The following PIBF1 variants were observed in gnomAD, a reference collection of about 807,000 sequenced individuals.
The protein encoded by PIBF1 is progesterone-induced-blocking factor 1.
In PIBF1, 90 loss-of-function variants were observed where a neutral mutation model predicts 112.5. That is an observed-to-expected ratio of 0.80 (90% CI 0.67 to 0.95). PIBF1 has a LOEUF of 0.95. Among genes scored for constraint, PIBF1 ranks in the 40% least tolerant of loss-of-function variants. PIBF1 has a pLI of 0.00. For synonymous variants in PIBF1, 301 were observed against 288.6 expected (o/e 1.04, Z -0.44); for missense variants, 915 against 852.3 (o/e 1.07, Z -0.92).
intron 9 of PIBF1, among the ~76,000 whole-genome samples, chr13:72,850,067 A>G (rs1379562499): frequency 1.3e-5 from 2 of 152,218 alleles, no homozygotes. Context: ...ATATTAAATA[A>G]AGTATCTATT....
At chr13:72,915,822 T>C (rs2041072903) in intron 12 of PIBF1, among the ~76,000 whole-genome samples, 1 of 152,160 alleles carries the variant, frequency 6.6e-6, no homozygotes, top group Non-Finnish European at 1.5e-5. Context: ...TTCTAAAATC[T>C]TTACTACAGA....
chr13:72,869,625 T>TAAA (rs1491580429), intron 10 of PIBF1, among the ~76,000 whole-genome samples: 1 of 118,216 alleles, frequency 8.5e-6, no homozygotes, highest in Admixed American at 1.0e-4. Flanking sequence ...ATAATAATAA[T>TAAA]AAAAAATAAA....
intron 16 of PIBF1, among the ~76,000 whole-genome samples, chr13:72,982,040 G>A (rs1241113751): frequency 1.3e-5 from 2 of 152,190 alleles, no homozygotes; most frequent in Non-Finnish European, 2.9e-5. Context: ...ACTTTGCAAG[G>A]TTCTGTGAGA....
At position 72,796,344 on chromosome 13, in the gene PIBF1, C is replaced by CCCAAAA. The variant is rs1195325607; in HGVS notation, c.552+791_552+796dup. Among the ~76,000 whole-genome samples the CCCAAAA allele has an allele frequency of 3.3e-5, 5 of 152,146 alleles. No individual in the cohort carries two copies. In the South Asian group the frequency reaches 1.0e-3, roughly 32 times the overall value. On this transcript the variant is annotated intron_variant, in intron 4 of 17. Transcript: ENST00000326291. ...GGCGAGTGGGGCAGAGTCCAGGAGT[C>CCCAAAA]CCAAAACCATATGTTGAGAACTGCT...
chr13:72,960,980 G>GA (rs1261414969), intron 14 of PIBF1, among the ~76,000 whole-genome samples: 1 of 149,072 alleles, frequency 6.7e-6, no homozygotes, highest in Non-Finnish European at 1.5e-5. Context: ...TCACTATAAT[G>GA]AAATGTGTTC....
chr13:72,784,193 C>G (rs1157372791), intron 2 of PIBF1, among the ~76,000 whole-genome samples: 2 of 150,530 alleles, frequency 1.3e-5, no homozygotes, highest in Admixed American at 6.7e-5. Flanking sequence ...CATATACACA[C>G]AGTTTTATCT....
chr13:72,810,789 C>T (rs1328397889), intron 5 of PIBF1, among the ~76,000 whole-genome samples: 1 of 151,674 alleles, frequency 6.6e-6, no homozygotes, highest in Non-Finnish European at 1.5e-5. Context: ...ATAAGCATTG[C>T]TTAAAATTTA....
chr13:72,971,181 A>AGTGT (rs1454291069), intron 15 of PIBF1, among the ~76,000 whole-genome samples: 2 of 108,804 alleles, frequency 1.8e-5, no homozygotes, highest in East Asian at 2.5e-4. Context: ...TGAAACAGAG[A>AGTGT]GTGAGTGTGT....
intron 5 of PIBF1, among the ~76,000 whole-genome samples, chr13:72,809,827 G>A (rs188012640): frequency 4.7e-4 from 72 of 152,116 alleles, no homozygotes; most frequent in Non-Finnish European, 9.7e-4. Context: ...GACCTCAAGC[G>A]ATCTGCCTGC....
chr13:73,013,731 C>CAAAAAA (rs113104076), intron 17 of PIBF1, among the ~76,000 whole-genome samples: 119 of 112,602 alleles, frequency 1.1e-3, no homozygotes, highest in East Asian at 3.4e-3. Flanking sequence ...GAGCCTATCT[C>CAAAAAA]AAAAAAAAAA....
chr13:73,000,044 A>G (rs1054973107), intron 17 of PIBF1, among the ~76,000 whole-genome samples: 3 of 151,374 alleles, frequency 2.0e-5, no homozygotes, highest in Non-Finnish European at 2.9e-5. Context: ...TGCCTCAAAA[A>G]ATAAAATAAA....
chr13:72,792,993 T>C (rs998336130), intron 3 of PIBF1, among the ~76,000 whole-genome samples: 3 of 152,172 alleles, frequency 2.0e-5, no homozygotes, highest in African/African-American at 7.2e-5. Context: ...ATACAAACAA[T>C]GAAATAAATT....
At position 72,893,875 on chromosome 13, in the gene PIBF1, C is replaced by T; in HGVS notation, c.1414C>T (p.Leu472Phe). ...LKSFESERVQLLQEETARNLT... is the reference protein window; with the variant it reads ...LKSFESERVQFLQEETARNLT... ...ATCTTTTGAAAGTGAGCGTGTTCAA[C>T]TTCTGCAAGAGGAAACAGCAAGAAA... is the stretch of plus-strand genomic sequence containing the variant. Residue 472 changes from leucine to phenylalanine, a missense_variant, in exon 11 of 18, where the codon CTT (leucine) becomes TTT (phenylalanine). By Grantham distance (22) the Leu-to-Phe change is conservative (BLOSUM62 0). Transcript: ENST00000326291. 1 of 1,607,506 alleles carries T rather than the reference C, an allele frequency of 6.2e-7. No homozygotes were observed. Among genetic ancestry groups the T allele is most frequent in the East Asian group, 2.3e-5 (1 of 44,390 alleles).
intron 16 of PIBF1, among the ~76,000 whole-genome samples, chr13:72,977,616 T>A (rs993111497): frequency 6.7e-5 from 10 of 149,770 alleles, no homozygotes; most frequent in African/African-American, 2.4e-4. Context: ...AAATATGTGT[T>A]AAACAGAAAA....
At chr13:72,901,662 G>C (rs1378909363) in intron 11 of PIBF1, among the ~76,000 whole-genome samples, 1 of 151,870 alleles carries the variant, frequency 6.6e-6, no homozygotes, top group African/African-American at 2.4e-5. Context: ...TCCAGCCTGG[G>C]TGACAAGAGC....
At position 72,919,623 on chromosome 13, in the gene PIBF1, T is replaced by C. The variant is rs573457563; in HGVS notation, c.1730+2457T>C. On this transcript the variant is annotated intron_variant, in intron 13 of 17. Transcript: ENST00000326291. ...ACTTGAAATTTAAAGGGAAAGGTCA[T>C]ATTCTTTTCTCTATTTTGGCCTCTG... is the stretch of plus-strand genomic sequence containing the variant. 1.1e-4 allele frequency among the ~76,000 whole-genome samples: 17 copies of C among 152,190 alleles called. 1 individual carries two copies. The highest frequency in any genetic ancestry group is 9.8e-4 in the Admixed American group (15 of 15,270).
At chr13:72,898,820 C>T (rs2040377578) in intron 11 of PIBF1, among the ~76,000 whole-genome samples, 1 of 150,576 alleles carries the variant, frequency 6.6e-6, no homozygotes, top group Non-Finnish European at 1.5e-5. Context: ...TGCATTCCAG[C>T]CTGAGCAACA....
At position 72,811,608 on chromosome 13, in the gene PIBF1, A is replaced by AAAAGAGAG. The variant is rs199831981; in HGVS notation, c.673-10240_673-10239insAAGAGAGA. On this transcript the variant is annotated intron_variant, in intron 5 of 17. Transcript: ENST00000326291. The stretch of plus-strand genomic sequence containing the variant: ...AAAACTCCGTCTCAAAAAAAAAAAA[A>AAAAGAGAG]AGAGAGAGAAATGTATATATTAATG... Among the ~76,000 whole-genome samples, 3 of 139,652 alleles carry AAAAGAGAG rather than the reference A, an allele frequency of 2.1e-5. 1 individual carries two copies. Among genetic ancestry groups the AAAAGAGAG allele is most frequent in the South Asian group, 4.5e-4 (2 of 4,480 alleles). The allele number at this position is 139,652 out of a possible 152,430, so 91.6% of individuals were successfully genotyped here. A position where few individuals can be genotyped will look rare whatever the true frequency, so the allele number is the denominator to read the frequency against.
rs71099757 is a variant in PIBF1 at position 72,828,045 on chromosome 13, C to CTTATTTTATTTTATTTTATT, written c.1097+139_1097+158dup. On this transcript the variant is annotated intron_variant, in intron 8 of 17. Transcript: ENST00000326291. ...CTATATGATAATACTAAGATAATACCTTATTTTATTTTATTTTATTTTATT... is the reference window on the plus strand; with the variant it reads ...CTATATGATAATACTAAGATAATACCTTATTTTATTTTATTTTATTTTATTTTATTTTATTTTATTTTATT... 2.0e-4 allele frequency: 69 copies of CTTATTTTATTTTATTTTATT among 343,670 alleles called. No individual in the cohort carries two copies. The Admixed American group carries it at 2.9e-3, about 14-fold the overall frequency. 21.3% of individuals were successfully genotyped at this position (343,670 alleles called of 1,614,324 possible).
Sources: gnomAD v4.1 joint callset for allele counts (sites outside exome capture counted in the v4.1 genomes callset) on GRCh38, gnomAD v4.1.1 for gene constraint, MANE v1.5 for transcripts, NCBI Gene and HGNC (gene_info 2026-07-23, HGNC 2026-07-21) for gene names.